RGSL1: variants seen among roughly 807,000 people sequenced by gnomAD.
RGSL1 encodes the protein regulator of G protein signaling protein-like.
A neutral mutation model predicts 124.7 loss-of-function variants in RGSL1; 97 were observed. That is an observed-to-expected ratio of 0.78 (90% CI 0.66 to 0.92). The LOEUF (loss-of-function observed/expected upper bound fraction) is 0.92, where lower values mean the gene tolerates loss of function less well. Ranked by LOEUF, RGSL1 falls within the 40% of genes least tolerant of loss-of-function variation. The probability of loss-of-function intolerance (pLI) is 0.00; values close to 1 mark genes in which losing one functional copy is unlikely to be tolerated. For missense variants in RGSL1, 1,233 were observed against 1,288.4 expected (o/e 0.96, Z 0.66); for synonymous variants, 424 against 438.1 (o/e 0.97, Z 0.40).
intron 5 of RGSL1, 26 bp downstream of exon 5, chr1:182,472,583 G>C (rs942399350): frequency 1.1e-5 from 16 of 1,490,972 alleles, no homozygotes; most frequent in Admixed American, 2.1e-5. Context: ...CATCTTTTTG[G>C]GGGGATGCAA....
chr1:182,472,456 A>G lies in RGSL1; in HGVS notation c.362A>G (p.Asp121Gly), dbSNP rs1473837166. ...AENILSIDEM[D>G]LEVRDYYLSL... ...AACATCCTGAGCATAGATGAGATGG[A>G]CCTGGAAGTGAGAGACTACTACCTG... Residue 121 changes from aspartate (D) to glycine (G), a missense_variant, in exon 5 of 22, where the codon GAC (aspartate) becomes GGC (glycine). Transcript: ENST00000294854. 9.0e-6 allele frequency: 14 copies of G among 1,551,086 alleles called. No individual in the cohort carries two copies. Among genetic ancestry groups the G allele is most frequent in the Non-Finnish European group, 1.2e-5 (14 of 1,146,672 alleles).
chr1:182,505,338 T>C (rs1332896897), intron 9 of RGSL1, among the ~76,000 whole-genome samples: 1 of 152,028 alleles, frequency 6.6e-6, no homozygotes, highest in African/African-American at 2.4e-5. Flanking sequence ...CATTACAATA[T>C]GGGCTGCTGT....
In RGSL1 at chr1:182,468,193, G is replaced by T. The variant is rs535017887; in HGVS notation, c.302-4203G>T. On this transcript the variant is annotated intron_variant, in intron 4 of 21. Coordinates refer to ENST00000294854, the MANE Select transcript of RGSL1 (RefSeq NM_001137669.2). ...GGGACTGTAAACTAGTTCAACCATT[G>T]TGGAAGTCAGTGTGGTGATTCCTCA... 2.5e-3 allele frequency among the ~76,000 whole-genome samples: 387 copies of T among 152,344 alleles called. 7 individuals are homozygous for T. Among genetic ancestry groups the T allele is most frequent in the African/African-American group, 9.1e-3 (380 of 41,578 alleles).
chr1:182,532,305 G>A (rs1182366136), intron 13 of RGSL1, among the ~76,000 whole-genome samples: 1 of 152,022 alleles, frequency 6.6e-6, no homozygotes, highest in Non-Finnish European at 1.5e-5. Flanking sequence ...ATTTGCCTGA[G>A]CCTTTAGTTC....
chr1:182,509,584 T>A (rs1414592940), intron 9 of RGSL1, among the ~76,000 whole-genome samples: 2 of 113,808 alleles, frequency 1.8e-5, no homozygotes, highest in Non-Finnish European at 3.6e-5. Flanking sequence ...CTGGCCAGGC[T>A]GAGGGGCTCC....
intron 21 of RGSL1, among the ~76,000 whole-genome samples, chr1:182,556,807 T>C (rs1048957162): frequency 3.3e-5 from 5 of 152,158 alleles, no homozygotes; most frequent in African/African-American, 1.2e-4. Context: ...TGAATAGGCC[T>C]ATTTTCTCTC....
intron 11 of RGSL1, among the ~76,000 whole-genome samples, chr1:182,528,529 G>A (rs989002273): frequency 1.3e-5 from 2 of 152,178 alleles, no homozygotes; most frequent in Non-Finnish European, 2.9e-5. Context: ...TAGAGATACA[G>A]GCATTGGGTT....
intron 9 of RGSL1, among the ~76,000 whole-genome samples, chr1:182,505,417 C>T (rs61808198): frequency 0.16 from 25,074 of 152,094 alleles, 2,538 homozygotes; most frequent in Middle Eastern, 0.27. Context: ...GCCACACTTT[C>T]TTTACCACAA....
intron 7 of RGSL1, 21 bp downstream of exon 7, chr1:182,488,368 G>A: frequency 1.3e-6 from 2 of 1,545,490 alleles, no homozygotes; most frequent in Non-Finnish European, 1.8e-6. Flanking sequence ...CTTTGGGTTA[G>A]GAAGGAATCA....
intron 6 of RGSL1, among the ~76,000 whole-genome samples, chr1:182,485,207 G>A (rs113600954): frequency 7.9e-5 from 12 of 152,186 alleles, no homozygotes; most frequent in East Asian, 3.9e-4. Context: ...AGTTCCTCCC[G>A]GTCCCCAGCT....
At chr1:182,490,539 T>C (rs753937414) in intron 8 of RGSL1, among the ~76,000 whole-genome samples, 27 of 152,206 alleles carry the variant, frequency 1.8e-4, no homozygotes, top group Non-Finnish European at 2.8e-4. Flanking sequence ...GAACAGGCCC[T>C]CTTTTTTAAC....
At chr1:182,521,823 A>G (rs113107750) in intron 9 of RGSL1, among the ~76,000 whole-genome samples, 181 bp from the exon 10 acceptor site, 1 of 152,240 alleles carries the variant, frequency 6.6e-6, no homozygotes, top group Admixed American at 6.5e-5. Context: ...TGTTCATGTC[A>G]GGGGTATCAG....
chr1:182,516,823 T>C (rs1340461639), intron 9 of RGSL1, among the ~76,000 whole-genome samples: 1 of 152,210 alleles, frequency 6.6e-6, no homozygotes, highest in Non-Finnish European at 1.5e-5. Context: ...GTAGCTGTTA[T>C]CATTTTTGAT....
chr1:182,524,164 G>A (rs1346785250), intron 10 of RGSL1, among the ~76,000 whole-genome samples: 4 of 152,130 alleles, frequency 2.6e-5, no homozygotes, highest in Admixed American at 2.6e-4. Flanking sequence ...AAGGTATTGG[G>A]TAGATTATTA....
Position 182,547,685 on chromosome 1 carries a change from T to C in RGSL1, c.2670-632T>C, listed in dbSNP as rs142299567. Among the ~76,000 whole-genome samples the C allele has an allele frequency of 3.5e-4, 53 of 151,862 alleles. 2 individuals carry two copies. Among genetic ancestry groups the C allele is most frequent in the African/African-American group, 1.2e-3 (49 of 41,416 alleles). On this transcript the variant is annotated intron_variant, in intron 15 of 21. Transcript: ENST00000294854. ...GACCATCCTGGGTAACATGGTGAAA[T>C]CCCGTCTCTACTAAAAATACAAAAA...
chr1:182,495,482 C>A (rs1655843960), intron 9 of RGSL1, among the ~76,000 whole-genome samples: 1 of 152,206 alleles, frequency 6.6e-6, no homozygotes, highest in African/African-American at 2.4e-5. Context: ...GTATTCTAAT[C>A]TTTCTCCTTC....
chr1:182,530,430 T>A, intron 12 of RGSL1, 69 bp downstream of exon 12: 2 of 1,197,934 alleles, frequency 1.7e-6, no homozygotes, highest in Non-Finnish European at 2.4e-6. Context: ...GCCATATGCA[T>A]CAAGGGTTTC....
chr1:182,467,805 G>T (rs1221828580), intron 4 of RGSL1, among the ~76,000 whole-genome samples: 1 of 152,176 alleles, frequency 6.6e-6, no homozygotes, highest in Non-Finnish European at 1.5e-5. Context: ...CACAGCAAAA[G>T]AAACTACCAT....
intron 6 of RGSL1, 31 bp from the exon 7 acceptor site, chr1:182,488,254 T>G: frequency 6.5e-7 from 1 of 1,547,054 alleles, no homozygotes; most frequent in Non-Finnish European, 8.8e-7. Flanking sequence ...ACCATCCACC[T>G]CATAATGCAT....
Sources: gnomAD v4.1 joint callset for allele counts (sites outside exome capture counted in the v4.1 genomes callset) on GRCh38, gnomAD v4.1.1 for gene constraint, MANE v1.5 for transcripts, NCBI Gene and HGNC (gene_info 2026-07-23, HGNC 2026-07-21) for gene names.